The following RBMS3 variants were observed in gnomAD, a reference collection of about 807,000 sequenced individuals.
RBMS3 encodes the protein RNA binding motif single stranded interacting protein 3, also known as RNA-binding motif, single-stranded-interacting protein 3.
Under a neutral mutation model 66.8 loss-of-function variants are expected in RBMS3, and 27 were observed. The ratio of observed to expected loss-of-function variants is 0.40; its 90% CI spans 0.30 to 0.56. RBMS3 has a LOEUF of 0.56. Among genes scored for constraint, RBMS3 ranks in the 20% least tolerant of loss-of-function variants. RBMS3 has a pLI of 0.40. For synonymous variants in RBMS3, 188 were observed against 183.0 expected (o/e 1.03, Z -0.22); for missense variants, 513 against 549.5 (o/e 0.93, Z 0.66).
At chr3:29,517,204 C>T (rs534081366) in intron 3 of RBMS3, among the ~76,000 whole-genome samples, 3 of 150,830 alleles carry the variant, frequency 2.0e-5, no homozygotes, top group Admixed American at 2.0e-4. Context: ...CACAGCGAGA[C>T]CATGTCTCTA....
intron 6 of RBMS3, among the ~76,000 whole-genome samples, chr3:29,828,051 T>C (rs2058254988): frequency 6.6e-6 from 1 of 151,994 alleles, no homozygotes; most frequent in South Asian, 2.1e-4. Flanking sequence ...TGTGTGTATA[T>C]GTTTGTGTGT....
chr3:29,867,830 T>A (rs1200784673), intron 6 of RBMS3, among the ~76,000 whole-genome samples: 5 of 151,854 alleles, frequency 3.3e-5, no homozygotes, highest in African/African-American at 1.2e-4. Flanking sequence ...CTTTTCCTAA[T>A]GAGTAACAGT....
intron 5 of RBMS3, among the ~76,000 whole-genome samples, chr3:29,753,415 C>T (rs2149369028): frequency 6.6e-6 from 1 of 152,302 alleles, no homozygotes; most frequent in Admixed American, 6.5e-5. Context: ...GTGATCAGAC[C>T]ACCCTCCCAC....
intron 14 of RBMS3, among the ~76,000 whole-genome samples, chr3:29,996,737 A>G (rs564564377): frequency 7.9e-5 from 12 of 152,350 alleles, no homozygotes; most frequent in African/African-American, 2.9e-4. Context: ...AAGACACAAC[A>G]TACCAGAATC....
At chr3:29,659,730 T>TG (rs544972749) in intron 4 of RBMS3, among the ~76,000 whole-genome samples, 269 of 152,154 alleles carry the variant, frequency 1.8e-3, no homozygotes, top group Non-Finnish European at 2.4e-3. Flanking sequence ...TCGATTTTGG[T>TG]GGGGGGGTGG....
chr3:30,005,440 ATATTCTT>A lies in RBMS3; in HGVS notation c.*1582_*1588del, dbSNP rs986368074. ...CCAAGATGCTTATTTAACAGGTGGA[ATATTCTT>A]TATATGAAATTTCAGCTAAAGACAC... On this transcript the variant is annotated 3_prime_UTR_variant, in exon 15 of 15. Transcript: ENST00000383767. 1.3e-5 allele frequency: 2 copies of A among 151,888 alleles called. No individual in the cohort carries two copies. The highest frequency in any genetic ancestry group is 2.9e-5 in the Non-Finnish European group (2 of 67,840). The allele number at this position is 151,888 out of a possible 1,614,324, so 9.4% of individuals were successfully genotyped here. A position where few individuals can be genotyped will look rare whatever the true frequency, so the allele number is the denominator to read the frequency against.
chr3:29,448,662 T>G (rs758184822), intron 2 of RBMS3, among the ~76,000 whole-genome samples: 2 of 152,210 alleles, frequency 1.3e-5, no homozygotes, highest in Non-Finnish European at 2.9e-5. Flanking sequence ...GGTAGAGTGG[T>G]CTACTCTTTC....
intron 3 of RBMS3, among the ~76,000 whole-genome samples, chr3:29,555,066 T>A (rs140260904): frequency 1.1e-4 from 17 of 152,274 alleles, no homozygotes; most frequent in African/African-American, 4.1e-4. Flanking sequence ...AATTCATGAG[T>A]ATATAATCAC....
intron 8 of RBMS3, among the ~76,000 whole-genome samples, chr3:29,891,385 GAGA>G (rs2059998336): frequency 1.3e-5 from 2 of 151,612 alleles, no homozygotes; most frequent in Non-Finnish European, 3.0e-5. Flanking sequence ...GAAGGGTAGA[GAGA>G]AGAAGCATCT....
intron 3 of RBMS3, among the ~76,000 whole-genome samples, chr3:29,552,026 G>C (rs1366356816): frequency 6.6e-6 from 1 of 151,896 alleles, no homozygotes; most frequent in Non-Finnish European, 1.5e-5. Context: ...AAGAAACACT[G>C]CATGACAAAT....
Position 29,295,869 on chromosome 3 carries a change from A to G in RBMS3, c.75+14113A>G, listed in dbSNP as rs145941071. On this transcript the variant is annotated intron_variant, in intron 1 of 14. Coordinates refer to ENST00000383767, the MANE Select transcript of RBMS3 (RefSeq NM_001003793.3). ...AATTAAATCTTTCATCTTCTAATTAAGTTTGCTTCCTTTAAAACACTGAAA... is the reference window on the plus strand; with the variant it reads ...AATTAAATCTTTCATCTTCTAATTAGGTTTGCTTCCTTTAAAACACTGAAA... 4.1e-3 allele frequency among the ~76,000 whole-genome samples: 616 copies of G among 151,860 alleles called. 2 individuals carry two copies. Among genetic ancestry groups the G allele is most frequent in the African/African-American group, 0.014 (595 of 41,474 alleles).
At chr3:29,329,494 T>C (rs1282744631) in intron 1 of RBMS3, among the ~76,000 whole-genome samples, 1 of 152,116 alleles carries the variant, frequency 6.6e-6, no homozygotes, top group East Asian at 1.9e-4. Flanking sequence ...AAAAGACTCA[T>C]AATGAAACCA....
chr3:29,913,400 T>G (rs1017563510), intron 10 of RBMS3, among the ~76,000 whole-genome samples: 2 of 152,088 alleles, frequency 1.3e-5, no homozygotes, highest in Non-Finnish European at 1.5e-5. Context: ...ATAGTTCAGT[T>G]GGCGTCACAC....
At chr3:29,737,136 T>A (rs2149345150) in intron 4 of RBMS3, among the ~76,000 whole-genome samples, 1 of 152,126 alleles carries the variant, frequency 6.6e-6, no homozygotes, top group South Asian at 2.1e-4. Context: ...GCCACCAGGC[T>A]GTCTAACTTT....
At chr3:29,507,339 G>A (rs556619293) in intron 3 of RBMS3, among the ~76,000 whole-genome samples, 1 of 151,860 alleles carries the variant, frequency 6.6e-6, no homozygotes, top group East Asian at 1.9e-4. Flanking sequence ...TGCAACCTTT[G>A]CTTTGTATTC....
chr3:29,867,303 A>G (rs1300374654), intron 6 of RBMS3, among the ~76,000 whole-genome samples: 1 of 151,860 alleles, frequency 6.6e-6, no homozygotes, highest in Non-Finnish European at 1.5e-5. Context: ...TAAGACAATA[A>G]TGCCACATAT....
chr3:29,822,819 T>C (rs2058107033), intron 6 of RBMS3, among the ~76,000 whole-genome samples: 1 of 152,198 alleles, frequency 6.6e-6, no homozygotes. Context: ...ATGGCTGCCA[T>C]ATTACATTTG....
chr3:29,674,237 A>G (rs960513570), intron 4 of RBMS3, among the ~76,000 whole-genome samples: 15 of 152,224 alleles, frequency 9.9e-5, no homozygotes, highest in Admixed American at 9.8e-4. Flanking sequence ...TAAACTAGGT[A>G]TTGATGGGAC....
intron 2 of RBMS3, among the ~76,000 whole-genome samples, chr3:29,442,654 G>A (rs181091811): frequency 3.5e-4 from 54 of 152,188 alleles, no homozygotes; most frequent in African/African-American, 1.1e-3. Flanking sequence ...AAATTTGAGG[G>A]ACTTGAGTTT....
Sources: allele counts gnomAD v4.1 joint callset (sites outside exome capture counted in the v4.1 genomes callset), GRCh38; gene constraint gnomAD v4.1.1; transcripts MANE v1.5; gene names NCBI Gene and HGNC (gene_info 2026-07-23, HGNC 2026-07-21).